Variants in XXYLT1 observed in about 807,000 individuals in gnomAD.
XXYLT1 encodes UDP-xylose:alpha-xyloside alpha-1,3-xylosyltransferase.
Under a neutral mutation model 28.9 loss-of-function variants are expected in XXYLT1, and 20 were observed. That is an observed-to-expected ratio of 0.69 (90% CI 0.49 to 1.00). The LOEUF is 1.00. Among genes scored for constraint, XXYLT1 ranks in the 50% least tolerant of loss-of-function variants. XXYLT1 has a pLI of 0.00. For missense variants in XXYLT1, 542 were observed against 560.1 expected, an observed-to-expected ratio of 0.97 and a Z score of 0.33; for synonymous variants, 257 against 253.8, an observed-to-expected ratio of 1.01 and a Z score of -0.12.
chr3:195,134,852 T>C (rs1719093762), intron 3 of XXYLT1, among the ~76,000 whole-genome samples: 1 of 128,144 alleles, frequency 7.8e-6, no homozygotes, highest in Non-Finnish European at 1.6e-5. Flanking sequence ...TGTGTGTGTG[T>C]GTGTGTGTGT....
chr3:195,203,120 T>A (rs944315177), intron 2 of XXYLT1, among the ~76,000 whole-genome samples: 1 of 152,036 alleles, frequency 6.6e-6, no homozygotes, highest in Non-Finnish European at 1.5e-5. Context: ...CAACACAAAT[T>A]TTTTAAAAAC....
chr3:195,239,367 A>G (rs906511212), intron 1 of XXYLT1, among the ~76,000 whole-genome samples: 3 of 152,162 alleles, frequency 2.0e-5, no homozygotes, highest in African/African-American at 7.2e-5. Context: ...AAGAGAGGAA[A>G]TGAGAGGGAT....
intron 2 of XXYLT1, among the ~76,000 whole-genome samples, chr3:195,208,274 G>A (rs1385886233): frequency 6.6e-6 from 1 of 152,042 alleles, no homozygotes; most frequent in Non-Finnish European, 1.5e-5. Context: ...GAAGTTGTGA[G>A]GGCAAACCGC....
intron 1 of XXYLT1, among the ~76,000 whole-genome samples, chr3:195,269,617 C>G (rs969213557): frequency 2.6e-5 from 4 of 152,206 alleles, no homozygotes; most frequent in Admixed American, 2.6e-4. Flanking sequence ...ACTCCCGAAG[C>G]CTGTAGGATC....
At chr3:195,233,422 T>C (rs1724387509) in intron 1 of XXYLT1, among the ~76,000 whole-genome samples, 3 of 152,236 alleles carry the variant, frequency 2.0e-5, no homozygotes, top group Admixed American at 6.5e-5. Context: ...ATTTGTTTTC[T>C]AGCTGTTTTC....
intron 2 of XXYLT1, among the ~76,000 whole-genome samples, chr3:195,222,789 T>C (rs1484944839): frequency 6.6e-6 from 1 of 152,152 alleles, no homozygotes; most frequent in East Asian, 1.9e-4. Flanking sequence ...GTACAATTTC[T>C]TTCATGGGGG....
At position 195,210,405 on chromosome 3, in the gene XXYLT1, A is replaced by T. The variant is rs1326270504; in HGVS notation, c.652+16304T>A. Among the ~76,000 whole-genome samples the T allele has an allele frequency of 6.6e-6, 1 of 152,220 alleles. No homozygotes were observed. The highest frequency in any genetic ancestry group is 2.4e-5 in the African/African-American group (1 of 41,460). On this transcript the variant is annotated intron_variant, in intron 2 of 3. Transcript: ENST00000310380. This position sits in a 1 kb window ranked among gnomAD's most constrained non-coding sequence, Gnocchi z 4.8. ...CAGTGCCCTGAACACAGTGGGCAGG[A>T]GGACGGACTCCTCATGGGTGAGGCG...
intron 3 of XXYLT1, among the ~76,000 whole-genome samples, chr3:195,081,153 C>G (rs115305971): frequency 1.3e-5 from 2 of 151,918 alleles, no homozygotes; most frequent in Non-Finnish European, 2.9e-5. Flanking sequence ...CCTGGGAGCT[C>G]GTCAGCCACT....
chr3:195,128,857 C>A (rs1484755427), intron 3 of XXYLT1, among the ~76,000 whole-genome samples: 3 of 152,126 alleles, frequency 2.0e-5, no homozygotes, highest in Non-Finnish European at 2.9e-5. Flanking sequence ...AACACTGGTA[C>A]ACAATAAATA....
chr3:195,075,974 C>T (rs1393719133), intron 3 of XXYLT1, among the ~76,000 whole-genome samples: 2 of 152,118 alleles, frequency 1.3e-5, no homozygotes, highest in Non-Finnish European at 1.5e-5. Flanking sequence ...CCACAGAGAC[C>T]CTGTGGGGAG....
chr3:195,203,673 T>C (rs1722947633), intron 2 of XXYLT1, among the ~76,000 whole-genome samples: 1 of 151,768 alleles, frequency 6.6e-6, no homozygotes, highest in Admixed American at 6.5e-5. Context: ...TCAGTGTCTC[T>C]CCAGCAGGAT....
intron 3 of XXYLT1, among the ~76,000 whole-genome samples, chr3:195,096,545 T>G (rs868581422): frequency 6.6e-6 from 1 of 152,196 alleles, no homozygotes; most frequent in South Asian, 2.1e-4. Context: ...TCCTCGGCCT[T>G]CGGGAAAATG....
chr3:195,224,454 A>G (rs1723962502), intron 2 of XXYLT1, among the ~76,000 whole-genome samples: 1 of 152,206 alleles, frequency 6.6e-6, no homozygotes, highest in Admixed American at 6.5e-5. Context: ...CCTTCCTGGC[A>G]TAATTCTCAC....
At chr3:195,172,943 T>C (rs879862070) in intron 2 of XXYLT1, among the ~76,000 whole-genome samples, 2 of 152,156 alleles carry the variant, frequency 1.3e-5, no homozygotes, top group African/African-American at 2.4e-5. Flanking sequence ...AGAAAGGTAC[T>C]AAAGCTTAAA....
intron 2 of XXYLT1, among the ~76,000 whole-genome samples, chr3:195,170,148 C>T (rs1721335725): frequency 6.6e-6 from 1 of 151,928 alleles, no homozygotes; most frequent in South Asian, 2.1e-4. Context: ...CCACGCCTGG[C>T]CGTTAATGTA....
At chr3:195,258,985 G>A (rs955927915) in intron 1 of XXYLT1, among the ~76,000 whole-genome samples, 1 of 152,244 alleles carries the variant, frequency 6.6e-6, no homozygotes, top group Non-Finnish European at 1.5e-5. Context: ...TTTCTAGAGT[G>A]ACAACAGCAG....
chr3:195,167,955 G>A (rs909000220), intron 2 of XXYLT1, among the ~76,000 whole-genome samples: 3 of 152,240 alleles, frequency 2.0e-5, no homozygotes, highest in Non-Finnish European at 4.4e-5. Flanking sequence ...CATACTCGAT[G>A]AAGAAATGAT....
chr3:195,259,379 G>A (rs185617563), intron 1 of XXYLT1, among the ~76,000 whole-genome samples: 1 of 152,170 alleles, frequency 6.6e-6, no homozygotes, highest in South Asian at 2.1e-4. Context: ...TGTGGCTTGC[G>A]GGTAAGGCCC....
At chr3:195,253,563 A>AT (rs1410470839) in intron 1 of XXYLT1, among the ~76,000 whole-genome samples, 2 of 120,648 alleles carry the variant, frequency 1.7e-5, no homozygotes, top group Non-Finnish European at 1.6e-5. Flanking sequence ...CAGTGTTGTG[A>AT]TTTTGGTTCA....
Sources: gnomAD v4.1 joint callset for allele counts (sites outside exome capture counted in the v4.1 genomes callset) on GRCh38, gnomAD v4.1.1 for gene constraint, Gnocchi (gnomAD v3.1) non-coding constraint, MANE v1.5 for transcripts, NCBI Gene and HGNC (gene_info 2026-07-23, HGNC 2026-07-21) for gene names.